SLC7A1: variants seen among roughly 807,000 people sequenced by gnomAD.
SLC7A1 encodes high affinity cationic amino acid transporter 1.
SLC7A1 carries 10 observed loss-of-function variants against 53.9 expected under a neutral mutation model. That is an observed-to-expected ratio of 0.19 (90% confidence interval 0.11 to 0.31). The LOEUF is 0.31. Ranked by LOEUF, SLC7A1 falls within the 10% of genes least tolerant of loss-of-function variation. The pLI is 1.00. For missense variants in SLC7A1, 525 were observed against 827.2 expected, an observed-to-expected ratio of 0.63 and a Z score of 4.48; for synonymous variants, 342 against 338.7, an observed-to-expected ratio of 1.01 and a Z score of -0.11.
At chr13:29,594,846 G>T (rs1309200101) in intron 1 of SLC7A1, among the ~76,000 whole-genome samples, 1 of 152,190 alleles carries the variant, frequency 6.6e-6, no homozygotes, top group Non-Finnish European at 1.5e-5. Context: ...CACCGGGCGG[G>T]GATGGCAGCA....
intron 1 of SLC7A1, among the ~76,000 whole-genome samples, chr13:29,592,309 T>C (rs1402147388): frequency 6.6e-6 from 1 of 152,214 alleles, no homozygotes; most frequent in Non-Finnish European, 1.5e-5. Context: ...CCACTGGGTG[T>C]GGCAGGAGGG....
intron 2 of SLC7A1, among the ~76,000 whole-genome samples, chr13:29,545,702 T>C (rs936329929): frequency 1.1e-4 from 16 of 152,190 alleles, no homozygotes; most frequent in African/African-American, 3.9e-4. Context: ...CCCATCAGCT[T>C]AAGGTTCCCG....
intron 1 of SLC7A1, among the ~76,000 whole-genome samples, chr13:29,562,351 GTA>G (rs1870795140): frequency 6.6e-6 from 1 of 152,192 alleles, no homozygotes; most frequent in Non-Finnish European, 1.5e-5. Flanking sequence ...ATTTTAAAGT[GTA>G]TACACAGGTT....
intron 5 of SLC7A1, among the ~76,000 whole-genome samples, chr13:29,525,812 A>G (rs1868859517): frequency 6.6e-6 from 1 of 152,214 alleles, no homozygotes; most frequent in Admixed American, 6.5e-5. Context: ...GTATGACTAA[A>G]ACTAGCAACC....
intron 2 of SLC7A1, among the ~76,000 whole-genome samples, chr13:29,540,648 G>A (rs557101660): frequency 7.8e-4 from 119 of 152,276 alleles, no homozygotes; most frequent in African/African-American, 2.4e-3. Flanking sequence ...TACGACACTC[G>A]GAAATGCCCT....
intron 11 of SLC7A1, among the ~76,000 whole-genome samples, chr13:29,516,554 C>T (rs772545061): frequency 3.3e-5 from 5 of 152,216 alleles, no homozygotes; most frequent in African/African-American, 7.2e-5. Context: ...GACTAGAAGA[C>T]GGACCTCCAC....
At chr13:29,553,224 G>C (rs945753413) in intron 2 of SLC7A1, among the ~76,000 whole-genome samples, 1 of 152,190 alleles carries the variant, frequency 6.6e-6, no homozygotes, top group Non-Finnish European at 1.5e-5. Context: ...AAAAGTTCTG[G>C]GGCAGGAAGA....
At chr13:29,519,255 C>T (rs1305863214) in intron 9 of SLC7A1, among the ~76,000 whole-genome samples, 192 bp downstream of exon 9, 2 of 152,142 alleles carry the variant, frequency 1.3e-5, no homozygotes, top group Non-Finnish European at 2.9e-5. Context: ...GGGTGAGGGG[C>T]CACCCAACTC....
At chr13:29,533,128 C>T in intron 3 of SLC7A1, 146 bp from the exon 4 acceptor site, 1 of 776,060 alleles carries the variant, frequency 1.3e-6, no homozygotes, top group African/African-American at 1.8e-5. Flanking sequence ...ACAGTGTATG[C>T]TGAGCCAGAA....
chr13:29,541,131 G>A (rs528291066), intron 2 of SLC7A1, among the ~76,000 whole-genome samples: 311 of 152,296 alleles, frequency 2.0e-3, no homozygotes, highest in Non-Finnish European at 3.4e-3. Context: ...AACCTGTGTG[G>A]AAGGAAGTGA....
At chr13:29,563,571 C>T (rs566066121) in intron 1 of SLC7A1, among the ~76,000 whole-genome samples, 3 of 152,160 alleles carry the variant, frequency 2.0e-5, no homozygotes, top group East Asian at 1.9e-4. Context: ...ACGTAGGAGA[C>T]GAAGACAAGT....
At chr13:29,520,155 G>T (rs970960005) in intron 8 of SLC7A1, among the ~76,000 whole-genome samples, 3 of 151,346 alleles carry the variant, frequency 2.0e-5, no homozygotes, top group Non-Finnish European at 4.4e-5. Context: ...TCATCCATCC[G>T]ATCCACCCAT....
intron 1 of SLC7A1, among the ~76,000 whole-genome samples, chr13:29,561,413 T>C (rs1046433835): frequency 6.6e-6 from 1 of 152,152 alleles, no homozygotes; most frequent in Non-Finnish European, 1.5e-5. Context: ...CCAATGATTC[T>C]GGTGACAGTC....
At chr13:29,548,721 A>G (rs1870038409) in intron 2 of SLC7A1, among the ~76,000 whole-genome samples, 1 of 152,238 alleles carries the variant, frequency 6.6e-6, no homozygotes, top group Non-Finnish European at 1.5e-5. Context: ...TTTTAATCCA[A>G]CTAATATAAC....
intron 2 of SLC7A1, among the ~76,000 whole-genome samples, chr13:29,552,173 TG>T (rs1195934726): frequency 6.6e-6 from 1 of 151,486 alleles, no homozygotes; most frequent in Non-Finnish European, 1.5e-5. Context: ...CTGCCTCAAA[TG>T]ACTGTTAAGA....
chr13:29,524,248 G>C lies in SLC7A1; in HGVS notation c.710C>G (p.Thr237Arg). 6.2e-7 allele frequency: 1 copy of C among 1,614,116 alleles called. No homozygotes were observed. Among genetic ancestry groups the C allele is most frequent in the Non-Finnish European group, 8.5e-7 (1 of 1,179,986 alleles). The change falls in exon 6 of 13, where the codon ACA becomes AGA. Residue 237 changes from threonine (T) to arginine (R), a missense_variant. Coordinates refer to ENST00000380752, the MANE Select transcript of SLC7A1 (RefSeq NM_003045.5). ...ACCAACACCGGGCTTCCCTTCTTTT[G>C]TGTCACTAGAAAAAAGAGCCGCAAA... ...TSGRLCLNND[T>R]KEGKPGVGGF...
At chr13:29,523,865 A>G (rs1005730684) in intron 6 of SLC7A1, among the ~76,000 whole-genome samples, 1 of 152,208 alleles carries the variant, frequency 6.6e-6, no homozygotes, top group African/African-American at 2.4e-5. Context: ...CAGATATGAA[A>G]TCAGGCCACA....
intron 1 of SLC7A1, among the ~76,000 whole-genome samples, chr13:29,560,134 T>G (rs901943201): frequency 6.6e-6 from 1 of 151,448 alleles, no homozygotes; most frequent in African/African-American, 2.5e-5. Context: ...TTTGAATTTT[T>G]TTGTTTTTTT....
chr13:29,556,536 G>A (rs1452778362), intron 1 of SLC7A1, among the ~76,000 whole-genome samples: 3 of 152,132 alleles, frequency 2.0e-5, no homozygotes, highest in African/African-American at 2.4e-5. Flanking sequence ...ACACCACCAC[G>A]CCTGGCTAAT....
Sources: gnomAD v4.1 joint callset for allele counts (sites outside exome capture counted in the v4.1 genomes callset) on GRCh38, gnomAD v4.1.1 for gene constraint, MANE v1.5 for transcripts, NCBI Gene and HGNC (gene_info 2026-07-23, HGNC 2026-07-21) for gene names.